MRE11: variants seen among roughly 807,000 people sequenced by gnomAD.
MRE11 encodes the protein MRE11 double strand break repair nuclease, also known as double-strand break repair protein MRE11.
Under a neutral mutation model 91.7 loss-of-function variants are expected in MRE11, and 62 were observed. The observed-to-expected ratio is 0.68, with a 90% CI of 0.55 to 0.84. The LOEUF (loss-of-function observed/expected upper bound fraction) is 0.84. MRE11 is among the 40% of genes least tolerant of loss of function. The probability of loss-of-function intolerance (pLI) is 0.00; values close to 1 mark genes in which losing one functional copy is unlikely to be tolerated. For missense variants in MRE11, 796 were observed against 852.9 expected (o/e 0.93, Z 0.83); for synonymous variants, 273 against 271.4 (o/e 1.01, Z -0.06).
chr11:94,497,521 T>G (rs1947432351), upstream of MRE11: 1 of 157,170 alleles, frequency 6.4e-6, no homozygotes, highest in African/African-American at 2.4e-5. Context: ...CATGCCACAT[T>G]TAACCAGAGG....
At chr11:94,476,652 C>T (rs1033468098) in intron 6 of MRE11, among the ~76,000 whole-genome samples, 2 of 151,818 alleles carry the variant, frequency 1.3e-5, no homozygotes, top group South Asian at 2.1e-4. Flanking sequence ...GCAATCCTCT[C>T]GCCTCAGCCT....
upstream of MRE11, among the ~76,000 whole-genome samples, chr11:94,495,865 G>A (rs887486310): frequency 6.6e-6 from 1 of 152,158 alleles, no homozygotes; most frequent in African/African-American, 2.4e-5. Context: ...TAAGCTTCCT[G>A]AGGTGAAGAC....
chr11:94,501,706 G>A, the MRE11 span, among the ~76,000 whole-genome samples: 9 of 151,572 alleles, frequency 5.9e-5, no homozygotes, highest in Non-Finnish European at 1.0e-4. Context: ...ATTAAACTCT[G>A]AGTGAGACAA....
chr11:94,435,946 T>C (rs1945599090), intron 17 of MRE11, 47 bp from the exon 18 acceptor site: 1 of 1,459,960 alleles, frequency 6.8e-7, no homozygotes, highest in African/African-American at 1.4e-5. Flanking sequence ...GAATAGACTC[T>C]GAATAAAAAT....
At chr11:94,434,441 T>A (rs1431561083) in intron 18 of MRE11, among the ~76,000 whole-genome samples, 1 of 152,158 alleles carries the variant, frequency 6.6e-6, no homozygotes, top group African/African-American at 2.4e-5. Context: ...TTTCTAACGT[T>A]AGGGAGAAAT....
intron 14 of MRE11, among the ~76,000 whole-genome samples, chr11:94,453,463 C>T (rs1946167497): frequency 2.0e-5 from 3 of 152,328 alleles, no homozygotes; most frequent in Non-Finnish European, 4.4e-5. Context: ...AATTTCTCCA[C>T]ATTCTTGCCG....
intron 11 of MRE11, among the ~76,000 whole-genome samples, chr11:94,462,581 G>C (rs1946450094): frequency 6.6e-6 from 1 of 152,122 alleles, no homozygotes; most frequent in African/African-American, 2.4e-5. Flanking sequence ...CAAAATAAGA[G>C]ATATAGACCA....
chr11:94,511,066 T>A, the MRE11 span, among the ~76,000 whole-genome samples: 1 of 152,238 alleles, frequency 6.6e-6, no homozygotes, highest in South Asian at 2.1e-4. Flanking sequence ...TGGAGAGCAG[T>A]TTGAAATTCA....
In MRE11 at chr11:94,419,707, A is replaced by G. The variant is rs780258989; in HGVS notation, c.*418T>C. ...ATTGGAAAAAAACATACATAGTAAC[A>G]AACAGTGAATTTAGACATAGGTTCG... is the stretch of plus-strand genomic sequence containing the variant. On this transcript the variant is annotated 3_prime_UTR_variant, in exon 20 of 20. Coordinates refer to ENST00000323929, the MANE Select transcript of MRE11 (RefSeq NM_005591.4). 1 of 240,438 alleles carries G rather than the reference A, an allele frequency of 4.2e-6. No homozygotes were observed. Among genetic ancestry groups the G allele is most frequent in the Non-Finnish European group, 8.1e-6 (1 of 122,774 alleles). The allele number at this position is 240,438 out of a possible 1,614,324, so 14.9% of individuals were successfully genotyped here.
intron 14 of MRE11, among the ~76,000 whole-genome samples, chr11:94,450,833 A>G (rs1465747435): frequency 6.6e-6 from 1 of 152,218 alleles, no homozygotes; most frequent in Non-Finnish European, 1.5e-5. Flanking sequence ...ATGAAACCAT[A>G]TATTAATAGA....
intron 6 of MRE11, among the ~76,000 whole-genome samples, chr11:94,477,429 G>C (rs1196927848): frequency 6.6e-6 from 1 of 152,086 alleles, no homozygotes; most frequent in Non-Finnish European, 1.5e-5. Flanking sequence ...ATTATAAAAG[G>C]AGAAAAAGCC....
At position 94,464,233 on chromosome 11, in the gene MRE11, A is replaced by G; in HGVS notation, c.1105T>C (p.Tyr369His). 6.2e-7 allele frequency: 1 copy of G among 1,613,916 alleles called. No homozygotes were observed. The highest frequency in any genetic ancestry group is 8.5e-7 in the Non-Finnish European group (1 of 1,179,890). ...EKPLVRLRVD[Y>H]SGGFEPFSVL... ...CTGAAAGGTTCAAAACCTCCACTAT[A>G]GTCCACCTGAAAACACAGAATAATC... The change falls in exon 11 of 20, where the codon TAT becomes CAT. Residue 369 changes from tyrosine to histidine, a missense_variant. Tyr to His is a moderately conservative substitution (Grantham distance 83). Transcript: ENST00000323929.
At chr11:94,470,666 C>G in intron 8 of MRE11, 24 bp from the exon 9 acceptor site, 2 of 1,611,032 alleles carry the variant, frequency 1.2e-6, no homozygotes, top group Non-Finnish European at 1.7e-6. Context: ...AAATGAACAC[C>G]GAGTCACAGT....
chr11:94,496,019 C>G (rs1947413568), upstream of MRE11, among the ~76,000 whole-genome samples: 1 of 152,164 alleles, frequency 6.6e-6, no homozygotes, highest in African/African-American at 2.4e-5. Context: ...AGTTGCCTAT[C>G]AATAAACAGG....
intron 3 of MRE11, among the ~76,000 whole-genome samples, chr11:94,490,159 C>A (rs555336842): frequency 6.6e-6 from 1 of 152,290 alleles, no homozygotes; most frequent in South Asian, 2.1e-4. Flanking sequence ...TATTTGAAGT[C>A]CTCATTAATG....
At chr11:94,471,790 G>C in intron 7 of MRE11, 31 bp from the exon 8 acceptor site, 1 of 1,552,050 alleles carries the variant, frequency 6.4e-7, no homozygotes, top group Non-Finnish European at 8.8e-7. Flanking sequence ...ATATAAATTC[G>C]GTGATTAGAA....
In MRE11 at chr11:94,478,718, A is replaced by G; in HGVS notation, c.544+17T>C. ...GAATCACACATGGACATAAACAGTAAAATAAAACTGTCTTACCTAAACCAT... is the reference window on the plus strand; with the variant it reads ...GAATCACACATGGACATAAACAGTAGAATAAAACTGTCTTACCTAAACCAT... On this transcript the variant is annotated intron_variant, in intron 6 of 19. Coordinates refer to ENST00000323929, the MANE Select transcript of MRE11 (RefSeq NM_005591.4). The G allele has an allele frequency of 6.2e-7, 1 of 1,611,422 alleles. No individual in the cohort carries two copies. The highest frequency in any genetic ancestry group is 8.5e-7 in the Non-Finnish European group (1 of 1,179,518).
intron 16 of MRE11, among the ~76,000 whole-genome samples, chr11:94,444,548 T>G (rs1340105740): frequency 6.6e-6 from 1 of 152,204 alleles, no homozygotes. Flanking sequence ...CTGTATTCTC[T>G]CCCTTGGACA....
At chr11:94,463,839 G>C (rs986936909) in intron 11 of MRE11, among the ~76,000 whole-genome samples, 7 of 152,082 alleles carry the variant, frequency 4.6e-5, no homozygotes, top group African/African-American at 1.4e-4. Flanking sequence ...TAAATGACGA[G>C]TTAATGGGTG....
Sources: gnomAD v4.1 joint callset for allele counts (sites outside exome capture counted in the v4.1 genomes callset) on GRCh38, gnomAD v4.1.1 for gene constraint, MANE v1.5 for transcripts, NCBI Gene and HGNC (gene_info 2026-07-23, HGNC 2026-07-21) for gene names.